SAE1: variants seen among roughly 807,000 people sequenced by gnomAD.
SAE1 encodes the protein SUMO1 activating enzyme subunit 1.
A neutral mutation model predicts 40.6 loss-of-function variants in SAE1; 11 were observed. That is an observed-to-expected ratio of 0.27 (90% CI 0.17 to 0.45). The LOEUF (loss-of-function observed/expected upper bound fraction) is 0.45, where lower values mean the gene tolerates loss of function less well. Ranked by LOEUF, SAE1 falls within the 20% of genes least tolerant of loss-of-function variation. The probability of loss-of-function intolerance (pLI) is 1.00; values close to 1 mark genes in which losing one functional copy is unlikely to be tolerated. For synonymous variants in SAE1, 155 were observed against 154.3 expected (o/e 1.00, Z -0.03); for missense variants, 373 against 427.3 (o/e 0.87, Z 1.12).
intron 5 of SAE1, among the ~76,000 whole-genome samples, chr19:47,164,402 C>G (rs894192272): frequency 6.6e-6 from 1 of 151,478 alleles, no homozygotes; most frequent in Non-Finnish European, 1.5e-5. Flanking sequence ...CTGCTGACCT[C>G]GTGATCCGCC....
rs1392240328 is a variant in SAE1 at position 47,169,936 on chromosome 19, A to G, written c.733+13A>G. On this transcript the variant is annotated intron_variant, in intron 6 of 8. Transcript: ENST00000270225. ...TTTCTCCTTCAAGGTGAGGTCTCAAAGCACAACTTACCCCGGGAGAGCTTT... is the reference window on the plus strand; with the variant it reads ...TTTCTCCTTCAAGGTGAGGTCTCAAGGCACAACTTACCCCGGGAGAGCTTT... 1.0e-5 allele frequency: 16 copies of G among 1,590,862 alleles called. No homozygotes were observed. The highest frequency in any genetic ancestry group is 2.2e-5 in the South Asian group (2 of 90,652).
chr19:47,143,603 C>G lies in SAE1; in HGVS notation c.208C>G (p.Gln70Glu), dbSNP rs1219012075. The part of the protein sequence containing the change: ...VKGLTMLDHE[Q>E]VTPEDPGAQF... ...AGGACTGACCATGCTGGATCACGAA[C>G]AGGTGCGCTGTTGTGAGCTCATTCC... The change falls in exon 2 of 9, where the codon CAG becomes GAG. Residue 70 changes from glutamine to glutamate, a missense_variant and splice_region_variant. Around this residue, in one of 3 missense-constraint regions of SAE1, gnomAD observed 351 missense variants for 390.6 expected, o/e 0.90. Coordinates refer to ENST00000270225, the MANE Select transcript of SAE1 (RefSeq NM_005500.3). 2 of 1,609,022 alleles carry G rather than the reference C, an allele frequency of 1.2e-6. No individual in the cohort carries two copies. Among genetic ancestry groups the G allele is most frequent in the Non-Finnish European group, 8.5e-7 (1 of 1,175,372 alleles).
At chr19:47,204,187 CTTTTTTTTTTTTTTTTTT>C (rs57736880) in intron 8 of SAE1, among the ~76,000 whole-genome samples, 2 of 82,100 alleles carry the variant, frequency 2.4e-5, no homozygotes, top group Non-Finnish European at 4.3e-5. Context: ...AAAGCCCTCC[CTTTTTTTTTTTTTTTTTT>C]TTTTTTTTTT....
At chr19:47,162,622 T>C (rs1280475909) in intron 5 of SAE1, among the ~76,000 whole-genome samples, 4 of 152,188 alleles carry the variant, frequency 2.6e-5, no homozygotes, top group Non-Finnish European at 5.9e-5. Flanking sequence ...GGAATTTTGA[T>C]TGGGTAGGAC....
intron 6 of SAE1, among the ~76,000 whole-genome samples, chr19:47,191,272 G>A (rs754427683): frequency 2.6e-5 from 4 of 152,030 alleles, no homozygotes; most frequent in African/African-American, 7.2e-5. Flanking sequence ...TTATTTGGGC[G>A]TGGTTGTGGG....
At chr19:47,147,421 T>A (rs1363569807) in intron 2 of SAE1, among the ~76,000 whole-genome samples, 1 of 151,378 alleles carries the variant, frequency 6.6e-6, no homozygotes, top group Non-Finnish European at 1.5e-5. Context: ...TTGCTCAGGC[T>A]GGTCTTGAAC....
chr19:47,156,972 C>G (rs956478044), intron 5 of SAE1, among the ~76,000 whole-genome samples: 4 of 152,144 alleles, frequency 2.6e-5, no homozygotes, highest in African/African-American at 9.7e-5. Flanking sequence ...CCCATATTTA[C>G]TCTTTGCTTT....
intron 8 of SAE1, 95 bp from the exon 9 acceptor site, chr19:47,209,064 A>T: frequency 8.0e-7 from 1 of 1,253,790 alleles, no homozygotes; most frequent in Non-Finnish European, 1.1e-6. Context: ...GACCCCAGTT[A>T]AGAACCACTG....
rs1417292557 is a variant in SAE1 at position 47,209,745 on chromosome 19, C to A, written c.*494C>A. 2 of 157,380 alleles carry A rather than the reference C, an allele frequency of 1.3e-5. No individual in the cohort carries two copies. Among genetic ancestry groups the A allele is most frequent in the East Asian group, 3.7e-4 (2 of 5,358 alleles). The allele number at this position is 157,380 out of a possible 1,614,324, so 9.7% of individuals were successfully genotyped here. On this transcript the variant is annotated 3_prime_UTR_variant, in exon 9 of 9. Coordinates refer to ENST00000270225, the MANE Select transcript of SAE1 (RefSeq NM_005500.3). ...CCATGAGGCACCAGTGGAAGCACAG[C>A]TCCAAGTTCAGACAGGTGCCCTTAG...
intron 6 of SAE1, among the ~76,000 whole-genome samples, chr19:47,175,095 A>G (rs1033292816): frequency 9.3e-5 from 14 of 150,778 alleles, no homozygotes; most frequent in African/African-American, 2.9e-4. Flanking sequence ...AAATAATTTA[A>G]AAGTGGCCTT....
intron 6 of SAE1, among the ~76,000 whole-genome samples, chr19:47,173,550 T>G (rs949053621): frequency 2.6e-5 from 4 of 152,132 alleles, no homozygotes; most frequent in Non-Finnish European, 5.9e-5. Flanking sequence ...ATTTCCTCAC[T>G]TCAGCACACT....
intron 6 of SAE1, among the ~76,000 whole-genome samples, chr19:47,174,698 G>A (rs1001790081): frequency 2.0e-5 from 3 of 148,692 alleles, no homozygotes; most frequent in Non-Finnish European, 4.4e-5. Flanking sequence ...TCAGCCTCCC[G>A]AGTAGCTGGG....
chr19:47,199,049 A>G (rs2058634558), intron 7 of SAE1, among the ~76,000 whole-genome samples: 1 of 152,084 alleles, frequency 6.6e-6, no homozygotes, highest in Non-Finnish European at 1.5e-5. Context: ...AGATTGCACC[A>G]CTGCATTCCA....
chr19:47,157,181 TGTAA>T (rs2058329558), intron 5 of SAE1, among the ~76,000 whole-genome samples: 1 of 152,200 alleles, frequency 6.6e-6, no homozygotes, highest in Non-Finnish European at 1.5e-5. Flanking sequence ...AGTTTGGTGC[TGTAA>T]GTGTGATACA....
chr19:47,143,516 C>T lies in SAE1; in HGVS notation c.121C>T (p.Leu41Phe). The T allele has an allele frequency of 3.7e-6, 6 of 1,614,106 alleles. No homozygotes were observed. The highest frequency in any genetic ancestry group is 4.2e-6 in the Non-Finnish European group (5 of 1,180,006). ...QKRLRASRVL[L>F]VGLKGLGAEI... ...CAGGCTGCGGGCCTCTCGGGTGCTT[C>T]TTGTCGGCTTGAAAGGACTTGGGGC... Residue 41 changes from leucine (L) to phenylalanine (F), a missense_variant, in exon 2 of 9, where the codon CTT becomes TTT. By Grantham distance (22) the Leu-to-Phe change is conservative (BLOSUM62 0). Around this residue, in one of 3 missense-constraint regions of SAE1, gnomAD observed 351 missense variants for 390.6 expected, o/e 0.90. Coordinates refer to ENST00000270225, the MANE Select transcript of SAE1 (RefSeq NM_005500.3).
intron 2 of SAE1, 70 bp downstream of exon 2, chr19:47,143,675 G>C: frequency 1.7e-6 from 2 of 1,157,244 alleles, no homozygotes; most frequent in Non-Finnish European, 2.6e-6. Context: ...TGCAGATTTT[G>C]TGAGTTCCTC....
intron 8 of SAE1, among the ~76,000 whole-genome samples, chr19:47,205,274 G>A (rs2058679535): frequency 6.6e-6 from 1 of 151,718 alleles, no homozygotes. Context: ...GTACATTCTG[G>A]AGGCGTTTGG....
intron 5 of SAE1, 116 bp from the exon 6 acceptor site, chr19:47,169,702 T>C: frequency 1.3e-6 from 1 of 744,088 alleles, no homozygotes; most frequent in Non-Finnish European, 2.4e-6. Flanking sequence ...CCCTGCTTCT[T>C]TTAATGGTCA....
intron 6 of SAE1, among the ~76,000 whole-genome samples, chr19:47,186,258 A>AT (rs995624627): frequency 6.6e-6 from 1 of 151,882 alleles, no homozygotes; most frequent in Non-Finnish European, 1.5e-5. Flanking sequence ...AAATAAAAAA[A>AT]AAATAATAAA....
Sources: allele counts gnomAD v4.1 joint callset (sites outside exome capture counted in the v4.1 genomes callset), GRCh38; gene constraint gnomAD v4.1.1; regional missense constraint gnomAD v4.1.1; transcripts MANE v1.5; gene names NCBI Gene and HGNC (gene_info 2026-07-23, HGNC 2026-07-21).